The following SPDYE10 variants were observed in gnomAD, a reference collection of about 807,000 sequenced individuals.
SPDYE10 encodes speedy/RINGO cell cycle regulator family member E10.
chr7:73,113,538 C>CA, the SPDYE10 span, among the ~76,000 whole-genome samples: 13 of 143,930 alleles, frequency 9.0e-5, no homozygotes, highest in South Asian at 2.8e-3. Context: ...GACCTTGTGT[C>CA]AAAAAAATTT....
the SPDYE10 span, among the ~76,000 whole-genome samples, chr7:73,123,109 G>A: frequency 6.6e-6 from 1 of 152,052 alleles, no homozygotes; most frequent in African/African-American, 2.4e-5. Flanking sequence ...TCTCTGCTTT[G>A]CAACTGATGA....
chr7:73,127,508 A>G, the SPDYE10 span, among the ~76,000 whole-genome samples: 1 of 82,046 alleles, frequency 1.2e-5, no homozygotes, highest in Non-Finnish European at 2.5e-5. Flanking sequence ...GCAGTGAGCC[A>G]AGATCACGCC....
chr7:73,137,590 AG>A, the SPDYE10 span, among the ~76,000 whole-genome samples: 4 of 113,008 alleles, frequency 3.5e-5, no homozygotes, highest in East Asian at 2.2e-4. Flanking sequence ...AAGAAAGAAG[AG>A]ATGAAAGAAA....
chr7:73,150,895 CAAA>C, the SPDYE10 span, among the ~76,000 whole-genome samples: 5 of 1,220 alleles, frequency 4.1e-3, no homozygotes, highest in Non-Finnish European at 6.4e-3. Flanking sequence ...GACCCTGTCT[CAAA>C]AAAAAAAAAA....
At chr7:73,116,828 G>A in the SPDYE10 span, among the ~76,000 whole-genome samples, 2 of 148,588 alleles carry the variant, frequency 1.3e-5, no homozygotes, top group Admixed American at 6.6e-5. Flanking sequence ...CATTCCTCCC[G>A]CTTCAGCCTC....
chr7:73,120,720 G>A, the SPDYE10 span, among the ~76,000 whole-genome samples: 3 of 145,520 alleles, frequency 2.1e-5, no homozygotes, highest in Admixed American at 1.3e-4. Flanking sequence ...CCCAGGAGGC[G>A]GAGCTTGCAG....
chr7:73,137,939 G>A, the SPDYE10 span, among the ~76,000 whole-genome samples: 1 of 143,000 alleles, frequency 7.0e-6, no homozygotes, highest in Non-Finnish European at 1.5e-5. Context: ...GAAGGGAAGG[G>A]GAAGGGAAGG....
At chr7:73,126,557 G>C in the SPDYE10 span, among the ~76,000 whole-genome samples, 2 of 131,422 alleles carry the variant, frequency 1.5e-5, no homozygotes, top group African/African-American at 3.1e-5. Flanking sequence ...GAACTAAAGA[G>C]TCATACAAGT....
the SPDYE10 span, among the ~76,000 whole-genome samples, chr7:73,127,082 CTTTTT>C: frequency 7.5e-5 from 1 of 13,352 alleles, no homozygotes; most frequent in African/African-American, 4.3e-4. Flanking sequence ...CCACGCCTGG[CTTTTT>C]TTTTTTTTTT....
chr7:73,150,948 A>ATATATATTTTT, the SPDYE10 span, among the ~76,000 whole-genome samples: 2 of 4,942 alleles, frequency 4.0e-4, no homozygotes, highest in African/African-American at 1.8e-3. Flanking sequence ...ATATATATAT[A>ATATATATTTTT]TTTTTTTTTT....
the SPDYE10 span, among the ~76,000 whole-genome samples, chr7:73,113,785 C>T: frequency 6.6e-6 from 1 of 151,978 alleles, no homozygotes; most frequent in East Asian, 1.9e-4. Flanking sequence ...CCTGTAATCC[C>T]AGCACTTTGG....
chr7:73,123,475 G>A, the SPDYE10 span, among the ~76,000 whole-genome samples: 3 of 152,208 alleles, frequency 2.0e-5, no homozygotes. Flanking sequence ...CATTCTTTTG[G>A]TGTTTTTTTA....
chr7:73,115,338 A>T, the SPDYE10 span, among the ~76,000 whole-genome samples: 2 of 152,052 alleles, frequency 1.3e-5, no homozygotes, highest in African/African-American at 4.8e-5. Flanking sequence ...TCCCAACAAA[A>T]CCTGTACAGA....
the SPDYE10 span, among the ~76,000 whole-genome samples, chr7:73,130,313 A>G: frequency 1.3e-5 from 2 of 152,078 alleles, no homozygotes; most frequent in Non-Finnish European, 2.9e-5. Context: ...AAAAAAAATC[A>G]ACTAACCATG....
the SPDYE10 span, among the ~76,000 whole-genome samples, chr7:73,134,552 A>AGAAAGAAAGAAAGAAAGAAAGAAG: frequency 6.6e-6 from 1 of 152,114 alleles, no homozygotes; most frequent in Admixed American, 6.5e-5. Flanking sequence ...AAAGAAAGAA[A>AGAAAGAAAGAAAGAAAGAAAGAAG]GAAAGAAAGA....
chr7:73,150,895 C>CAAAAA, the SPDYE10 span, among the ~76,000 whole-genome samples: 31 of 1,210 alleles, frequency 0.026, 1 homozygote, highest in African/African-American at 0.049. Flanking sequence ...GACCCTGTCT[C>CAAAAA]AAAAAAAAAA....
the SPDYE10 span, among the ~76,000 whole-genome samples, chr7:73,117,977 CCT>C: frequency 6.8e-6 from 1 of 146,962 alleles, no homozygotes; most frequent in Admixed American, 6.9e-5. Context: ...TGGTGAAACC[CCT>C]GTCTGTACTG....
chr7:73,134,559 A>AAGAAAGAAAGAAAGAAAGAAAG, the SPDYE10 span, among the ~76,000 whole-genome samples: 1 of 152,114 alleles, frequency 6.6e-6, no homozygotes, highest in Non-Finnish European at 1.5e-5. Context: ...GAAAGAAAGA[A>AAGAAAGAAAGAAAGAAAGAAAG]AGAAAGAAAC....
chr7:73,132,420 G>A, the SPDYE10 span, among the ~76,000 whole-genome samples: 2 of 152,142 alleles, frequency 1.3e-5, no homozygotes, highest in African/African-American at 4.8e-5. Context: ...GGTGGTATGT[G>A]CCTGTAGTCC....
Sources: allele counts gnomAD v4.1 joint callset (sites outside exome capture counted in the v4.1 genomes callset), GRCh38; gene constraint gnomAD v4.1.1; transcripts MANE v1.5; gene names NCBI Gene and HGNC (gene_info 2026-07-23, HGNC 2026-07-21).